Variants in CCDC102B observed in about 807,000 individuals in gnomAD.
CCDC102B encodes coiled-coil domain containing 102B, also known as coiled-coil domain-containing protein 102B.
Under a neutral mutation model 57.4 loss-of-function variants are expected in CCDC102B, and 75 were observed. That is an observed-to-expected ratio of 1.31 (90% confidence interval 1.08 to 1.58). The LOEUF is 1.58. Among genes scored for constraint, CCDC102B ranks in the 40% most tolerant of loss-of-function variants. The pLI, the probability that CCDC102B is intolerant of heterozygous loss-of-function variation, is 0.00. For missense variants in CCDC102B, 636 were observed against 582.6 expected (o/e 1.09, Z -0.94); for synonymous variants, 206 against 201.9 (o/e 1.02, Z -0.17).
chr18:68,749,683 C>A (rs892018237), intron 2 of CCDC102B, among the ~76,000 whole-genome samples: 4 of 152,102 alleles, frequency 2.6e-5, no homozygotes, highest in African/African-American at 9.7e-5. Flanking sequence ...TGGGCTGAGA[C>A]GATGGGGTTT....
chr18:68,910,278 G>C (rs1217072439), intron 6 of CCDC102B, among the ~76,000 whole-genome samples: 1 of 152,188 alleles, frequency 6.6e-6, no homozygotes, highest in Non-Finnish European at 1.5e-5. Context: ...GGGCAACAGA[G>C]TGAGACTGTC....
At chr18:68,727,752 C>T (rs309233) in intron 2 of CCDC102B, among the ~76,000 whole-genome samples, 39,427 of 152,086 alleles carry the variant, frequency 0.26, 9,003 homozygotes, top group African/African-American at 0.62. Context: ...TGTCCAGCAG[C>T]TAGTAAATTC....
chr18:69,020,754 A>G (rs1199667821), intron 7 of CCDC102B, among the ~76,000 whole-genome samples: 1 of 152,196 alleles, frequency 6.6e-6, no homozygotes, highest in Non-Finnish European at 1.5e-5. Flanking sequence ...CTTTGAATGC[A>G]TATATTTGTG....
intron 1 of CCDC102B, among the ~76,000 whole-genome samples, chr18:68,812,952 T>C (rs1042431546): frequency 2.6e-5 from 4 of 151,476 alleles, no homozygotes; most frequent in African/African-American, 7.3e-5. Context: ...GAAGGGAAGC[T>C]GAGGTCAGAA....
intron 2 of CCDC102B, among the ~76,000 whole-genome samples, chr18:68,779,205 T>A (rs1363809945): frequency 1.3e-5 from 2 of 152,008 alleles, no homozygotes; most frequent in Non-Finnish European, 2.9e-5. Context: ...TACACACGTG[T>A]TTGTGTTTTT....
intron 1 of CCDC102B, among the ~76,000 whole-genome samples, chr18:68,829,209 TC>T (rs1467712572): frequency 4.6e-5 from 7 of 152,140 alleles, no homozygotes; most frequent in Non-Finnish European, 7.4e-5. Flanking sequence ...GAATTCCAGC[TC>T]ATACATACAA....
chr18:68,946,902 T>C (rs1599733858), intron 6 of CCDC102B, among the ~76,000 whole-genome samples: 1 of 152,074 alleles, frequency 6.6e-6, no homozygotes, highest in East Asian at 1.9e-4. Context: ...GGTTTCTATA[T>C]AGTAAATTAT....
chr18:69,015,849 T>TTTTTTA (rs1332852444), intron 7 of CCDC102B, among the ~76,000 whole-genome samples: 3 of 152,102 alleles, frequency 2.0e-5, no homozygotes, highest in African/African-American at 7.2e-5. Flanking sequence ...AATGGCACAT[T>TTTTTTA]TTTTTATTTT....
At chr18:68,920,763 G>A (rs1238330827) in intron 6 of CCDC102B, among the ~76,000 whole-genome samples, 3 of 152,106 alleles carry the variant, frequency 2.0e-5, no homozygotes, top group East Asian at 1.9e-4. Flanking sequence ...GGTGGAAACC[G>A]CTTATAAAAT....
At chr18:68,812,546 A>G (rs2036308552) in intron 1 of CCDC102B, among the ~76,000 whole-genome samples, 1 of 152,200 alleles carries the variant, frequency 6.6e-6, no homozygotes, top group African/African-American at 2.4e-5. Flanking sequence ...GCGTCTCTAT[A>G]GTTTAGAGGG....
intron 6 of CCDC102B, among the ~76,000 whole-genome samples, chr18:68,991,241 A>T (rs540308508): frequency 2.6e-5 from 4 of 152,124 alleles, no homozygotes; most frequent in African/African-American, 9.6e-5. Flanking sequence ...GAACAAAACC[A>T]ATAGCTTTGT....
rs181003938 is a variant in CCDC102B at position 68,783,989 on chromosome 18, C to T, written c.-66-39377C>T. Among the ~76,000 whole-genome samples the T allele has an allele frequency of 2.4e-3, 361 of 152,180 alleles. 1 individual carries two copies. The highest frequency in any genetic ancestry group is 8.1e-3 in the African/African-American group (335 of 41,532). Reference sequence around the variant, plus strand: ...AAATTGTATAACAATTCTAATAGTGCGTTTTTCAATCATGACATTTTTCTG... The same window carrying T: ...AAATTGTATAACAATTCTAATAGTGTGTTTTTCAATCATGACATTTTTCTG... On this transcript the variant is annotated intron_variant, in intron 2 of 3. Transcript: ENST00000578970.
At chr18:68,835,660 T>A (rs1304203816) in intron 1 of CCDC102B, among the ~76,000 whole-genome samples, 1 of 152,192 alleles carries the variant, frequency 6.6e-6, no homozygotes, top group Non-Finnish European at 1.5e-5. Flanking sequence ...CCTGCTCACA[T>A]AGCAAAGGAT....
rs543924349 is a variant in CCDC102B, at chr18:68,879,991, G to A, written c.1053+5206G>A. Among the ~76,000 whole-genome samples the A allele has an allele frequency of 2.3e-4, 35 of 152,330 alleles. No homozygotes were observed. In the East Asian group the frequency reaches 4.1e-3, roughly 18 times the overall value. ...GCTGCCTGCCAGTCCTGTGCAGTGCGCATGCACTCCTCAGCCCTTGGGTGG... is the reference window on the plus strand; with the variant it reads ...GCTGCCTGCCAGTCCTGTGCAGTGCACATGCACTCCTCAGCCCTTGGGTGG... On this transcript the variant is annotated intron_variant, in intron 5 of 7. Coordinates refer to ENST00000360242, the MANE Select transcript of CCDC102B (RefSeq NM_024781.3).
intron 7 of CCDC102B, among the ~76,000 whole-genome samples, chr18:69,026,456 T>TGAA (rs2051993685): frequency 1.1e-5 from 1 of 90,584 alleles, no homozygotes; most frequent in African/African-American, 6.5e-5. Flanking sequence ...GAACCCTGTC[T>TGAA]CAAAAAAAAA....
intron 7 of CCDC102B, among the ~76,000 whole-genome samples, chr18:69,047,411 A>G (rs921015416): frequency 1.3e-5 from 2 of 152,154 alleles, no homozygotes; most frequent in Admixed American, 6.6e-5. Flanking sequence ...AGAGCCATCT[A>G]AGACAAACCC....
At chr18:69,007,086 T>A (rs565778937) in intron 6 of CCDC102B, among the ~76,000 whole-genome samples, 7 of 152,324 alleles carry the variant, frequency 4.6e-5, no homozygotes, top group Non-Finnish European at 5.9e-5. Context: ...ACTGATTTTT[T>A]AAAAAATCAC....
intron 7 of CCDC102B, among the ~76,000 whole-genome samples, chr18:69,046,505 A>G (rs941548726): frequency 5.3e-5 from 8 of 152,030 alleles, no homozygotes; most frequent in African/African-American, 1.7e-4. Context: ...CCTTTGTCAG[A>G]TGGATGGTTT....
chr18:68,846,269 A>G (rs1484457598), intron 3 of CCDC102B, 44 bp from the exon 4 acceptor site: 27 of 1,297,564 alleles, frequency 2.1e-5, no homozygotes, highest in Non-Finnish European at 2.8e-5. Context: ...AAGTATTTTA[A>G]AATTGAAGCC....
Sources: allele counts gnomAD v4.1 joint callset (sites outside exome capture counted in the v4.1 genomes callset), GRCh38; gene constraint gnomAD v4.1.1; transcripts MANE v1.5; gene names NCBI Gene and HGNC (gene_info 2026-07-23, HGNC 2026-07-21).